NUP37: variants seen among roughly 807,000 people sequenced by gnomAD.
The protein encoded by NUP37 is nucleoporin 37.
A neutral mutation model predicts 45.4 loss-of-function variants in NUP37; 33 were observed. The observed-to-expected ratio is 0.73, with a 90% CI of 0.55 to 0.97. The LOEUF is 0.97. Among genes scored for constraint, NUP37 ranks in the 50% least tolerant of loss-of-function variants. The pLI is 0.00. For missense variants in NUP37, 365 were observed against 389.7 expected, an observed-to-expected ratio of 0.94 and a Z score of 0.53; for synonymous variants, 127 against 130.7, an observed-to-expected ratio of 0.97 and a Z score of 0.19.
chr12:102,075,879 CTTTT>C (rs79312878), intron 8 of NUP37, among the ~76,000 whole-genome samples: 4 of 145,724 alleles, frequency 2.7e-5, no homozygotes, highest in Non-Finnish European at 6.1e-5. Flanking sequence ...TCTCCTCTTA[CTTTT>C]TTTTTTTTGT....
intron 5 of NUP37, among the ~76,000 whole-genome samples, chr12:102,086,359 CT>C (rs1879472305): frequency 6.6e-6 from 1 of 152,186 alleles, no homozygotes; most frequent in Non-Finnish European, 1.5e-5. Flanking sequence ...ATCTTCCATA[CT>C]GCTTATTCCT....
intron 8 of NUP37, among the ~76,000 whole-genome samples, chr12:102,075,708 GA>G: frequency 6.6e-6 from 1 of 152,144 alleles, no homozygotes; most frequent in South Asian, 2.1e-4. Flanking sequence ...TGTGGTAGAA[GA>G]AACAAATAAG....
At chr12:102,077,028 C>G (rs930708442) in intron 7 of NUP37, 181 bp from the exon 8 acceptor site, 1 of 613,156 alleles carries the variant, frequency 1.6e-6, no homozygotes, top group African/African-American at 1.8e-5. Flanking sequence ...CTTAGAACCA[C>G]TGCAGGGAAC....
chr12:102,083,865 GCCA>G lies in NUP37; in HGVS notation c.540+1898_540+1900del, dbSNP rs1274911212. ...CTGGAGAATAAGAATGAAGGAAAAG[GCCA>G]CGGGATGTGTTGAAAATATCCCTGG... is the stretch of plus-strand genomic sequence containing the variant. On this transcript the variant is annotated intron_variant, in intron 6 of 9. Transcript: ENST00000552283. Among the ~76,000 whole-genome samples the G allele has an allele frequency of 2.6e-5, 4 of 152,320 alleles. No individual in the cohort carries two copies. The Middle Eastern group carries it at 0.01, about 389-fold the overall frequency.
rs866820028 is a variant in NUP37, at chr12:102,076,725, C to T, written c.773+72G>A. 43 of 1,283,374 alleles carry T rather than the reference C, an allele frequency of 3.4e-5. No individual in the cohort carries two copies. The South Asian group carries it at 4.9e-4, about 15-fold the overall frequency. The allele number at this position is 1,283,374 out of a possible 1,614,324, so 79.5% of individuals were successfully genotyped here. A position where few individuals can be genotyped will look rare whatever the true frequency, so the allele number is the denominator to read the frequency against. On this transcript the variant is annotated intron_variant, in intron 8 of 9. Coordinates refer to ENST00000552283, the MANE Select transcript of NUP37 (RefSeq NM_024057.4). ...AAATCCAGTGCAAAGAAGAGAACTA[C>T]AAAAGTATCCCAGTGGTGGCACAGC...
At chr12:102,113,079 T>G (rs1402308934) in intron 2 of NUP37, among the ~76,000 whole-genome samples, 1 of 152,226 alleles carries the variant, frequency 6.6e-6, no homozygotes, top group Non-Finnish European at 1.5e-5. Context: ...TCGCTGGCAA[T>G]GGAGACAATA....
At chr12:102,076,523 C>G (rs1565827310) in intron 8 of NUP37, among the ~76,000 whole-genome samples, 1 of 152,158 alleles carries the variant, frequency 6.6e-6, no homozygotes, top group Non-Finnish European at 1.5e-5. Flanking sequence ...ACAGAACAAT[C>G]AGGAAGCATA....
Position 102,099,176 on chromosome 12 carries a change from T to G in NUP37, c.379A>C (p.Ile127Leu), listed in dbSNP as rs781208329. Residue 127 changes from isoleucine to leucine, a missense_variant, in exon 5 of 10, where the codon ATT (isoleucine) becomes CTT (leucine). Ile to Leu is a conservative substitution (Grantham distance 5). Transcript: ENST00000552283. ...TTGGGATCAAACACCAAACCATTAA[T>G]GAAATCGGTATGGCCCTCTAAAACC... ...YKVLEGHTDF[I>L]NGLVFDPKEG... The G allele has an allele frequency of 1.2e-5, 20 of 1,613,360 alleles. No homozygotes were observed. The highest frequency in any genetic ancestry group is 1.7e-5 in the Non-Finnish European group (20 of 1,179,450).
At position 102,112,229 on chromosome 12, in the gene NUP37, C is replaced by G. The variant is rs770644003; in HGVS notation, c.160G>C (p.Glu54Gln). 2.5e-6 allele frequency: 4 copies of G among 1,610,936 alleles called. No homozygotes were observed. Among genetic ancestry groups the G allele is most frequent in the Non-Finnish European group, 3.4e-6 (4 of 1,177,478 alleles). ...TGAATGCCTTCAACGTCTGCTTCTT[C>G]TTCCTAAGCATACACAGTAAATGTT... ...VVIGTCTFQE[E>Q]EADVEGIQYK... The change falls in exon 3 of 10, where the codon GAA becomes CAA. Residue 54 changes from glutamate to glutamine, a missense_variant. Physicochemically the swap from Glu to Gln is conservative, Grantham distance 29. Transcript: ENST00000552283.
chr12:102,084,457 G>T (rs1879412840), intron 6 of NUP37, among the ~76,000 whole-genome samples: 1 of 138,734 alleles, frequency 7.2e-6, no homozygotes. Context: ...ACCAGCTTGG[G>T]TAACATGGTG....
intron 3 of NUP37, 68 bp from the exon 4 acceptor site, chr12:102,101,172 C>T (rs771028838): frequency 2.6e-6 from 2 of 763,324 alleles, no homozygotes; most frequent in Non-Finnish European, 4.3e-6. Context: ...CCCCTCCCCC[C>T]CATCCTTCCC....
chr12:102,083,098 G>A (rs1321804368), intron 6 of NUP37, among the ~76,000 whole-genome samples: 1 of 152,144 alleles, frequency 6.6e-6, no homozygotes, highest in Non-Finnish European at 1.5e-5. Context: ...GCATATGGAA[G>A]AAAGAGATAA....
chr12:102,078,203 C>G (rs1198796969), intron 6 of NUP37, among the ~76,000 whole-genome samples: 1 of 151,352 alleles, frequency 6.6e-6, no homozygotes, highest in Admixed American at 6.6e-5. Context: ...TGGTGGCATG[C>G]GCGTAATCCT....
At chr12:102,098,328 ATGTAT>A (rs1398277353) in intron 5 of NUP37, among the ~76,000 whole-genome samples, 3 of 152,216 alleles carry the variant, frequency 2.0e-5, no homozygotes, top group African/African-American at 7.2e-5. Context: ...TAATAGTTAA[ATGTAT>A]TGTATCTAAA....
chr12:102,083,742 C>T (rs1879393948), intron 6 of NUP37, among the ~76,000 whole-genome samples: 1 of 152,142 alleles, frequency 6.6e-6, no homozygotes, highest in Non-Finnish European at 1.5e-5. Context: ...AAAAAGGGAA[C>T]ATATACGCAA....
intron 6 of NUP37, among the ~76,000 whole-genome samples, chr12:102,078,758 A>G (rs576342496): frequency 6.6e-6 from 1 of 152,356 alleles, no homozygotes; most frequent in South Asian, 2.1e-4. Context: ...CTCAAAAAAT[A>G]GTAGCTATTA....
intron 2 of NUP37, among the ~76,000 whole-genome samples, chr12:102,116,737 G>A (rs534869217): frequency 6.6e-6 from 1 of 152,322 alleles, no homozygotes; most frequent in Non-Finnish European, 1.5e-5. Flanking sequence ...GGGCATGGTG[G>A]CTCACGCCTG....
At chr12:102,115,869 G>A in intron 2 of NUP37, 1 of 876,358 alleles carries the variant, frequency 1.1e-6, no homozygotes, top group Non-Finnish European at 1.4e-6. Context: ...AAGGTTCTAG[G>A]ACAACAGAAT....
rs1444471805 is a variant in NUP37, at chr12:102,074,413, G to C, written c.922C>G (p.Leu308Val). ...VGSGLSWHRT[L>V]PLCVIGGDHK... ...TCTCCTCCAATTACACACAGAGGGA[G>C]AGTTCGATGCCAGGACAGTCCAGAT... Residue 308 changes from leucine (L) to valine (V), a missense_variant, in exon 10 of 10, where the codon CTC becomes GTC. Physicochemically the swap from Leu to Val is conservative, Grantham distance 32 (BLOSUM62 1). Transcript: ENST00000552283. 6.2e-7 allele frequency: 1 copy of C among 1,613,308 alleles called. No homozygotes were observed. Among genetic ancestry groups the C allele is most frequent in the Non-Finnish European group, 8.5e-7 (1 of 1,179,540 alleles).
Sources: gnomAD v4.1 joint callset for allele counts (sites outside exome capture counted in the v4.1 genomes callset) on GRCh38, gnomAD v4.1.1 for gene constraint, MANE v1.5 for transcripts, NCBI Gene and HGNC (gene_info 2026-07-23, HGNC 2026-07-21) for gene names.